The following PPID variants were observed in gnomAD, a reference collection of about 807,000 sequenced individuals.
PPID encodes the protein peptidyl-prolyl cis-trans isomerase D.
Under a neutral mutation model 48.1 loss-of-function variants are expected in PPID, and 47 were observed. The observed-to-expected ratio is 0.98, with a 90% CI of 0.77 to 1.25. PPID has a LOEUF of 1.25. Ranked by LOEUF, PPID falls within the 50% of genes most tolerant of loss-of-function variation. The pLI is 0.00. For synonymous variants in PPID, 163 were observed against 148.8 expected (o/e 1.10, Z -0.69); for missense variants, 429 against 443.5 (o/e 0.97, Z 0.29).
At chr4:158,721,236 T>C (rs1774953911) in intron 2 of PPID, 107 bp downstream of exon 2, 4 of 1,322,166 alleles carry the variant, frequency 3.0e-6, no homozygotes, top group South Asian at 2.7e-5. Context: ...TGGACGCTAA[T>C]AGTACTTTTT....
chr4:158,712,347 C>T (rs1414963197), intron 7 of PPID, among the ~76,000 whole-genome samples: 3 of 152,204 alleles, frequency 2.0e-5, no homozygotes, highest in Non-Finnish European at 2.9e-5. Context: ...CCCCTCCTAT[C>T]CTGAATCACT....
chr4:158,721,344 T>G lies in PPID; in HGVS notation c.225A>C (p.Arg75=). 6.2e-7 allele frequency: 1 copy of G among 1,613,946 alleles called. No individual in the cohort carries two copies. The highest frequency in any genetic ancestry group is 8.5e-7 in the Non-Finnish European group (1 of 1,179,848). Residue 75 remains arginine (R), a splice_region_variant and synonymous_variant, in exon 2 of 10, where the codon CGA becomes CGC. Transcript: ENST00000307720. ...AAGATTAAGAAAATTTACACATACT[T>G]CGATGAAAAGGGCATCCTTTGAAAT... The part of the protein sequence containing the change: ...PLHFKGCPFH[R]IIKKFMIQGG...
At chr4:158,710,069 T>C (rs1561253816) in intron 9 of PPID, 1 of 484,362 alleles carries the variant, frequency 2.1e-6, no homozygotes, top group Non-Finnish European at 3.6e-6. Context: ...AGAACAGTAA[T>C]TGCTTCCCTT....
intron 2 of PPID, among the ~76,000 whole-genome samples, chr4:158,720,104 G>A (rs1384357778): frequency 6.6e-6 from 1 of 152,120 alleles, no homozygotes; most frequent in African/African-American, 2.4e-5. Context: ...TACCTAGCAT[G>A]TACCAAAATT....
chr4:158,711,870 G>A (rs1248719533), intron 7 of PPID, among the ~76,000 whole-genome samples: 2 of 152,140 alleles, frequency 1.3e-5, no homozygotes, highest in African/African-American at 4.8e-5. Flanking sequence ...AGGAGGCTGA[G>A]GTAGGAGGAT....
intron 3 of PPID, among the ~76,000 whole-genome samples, chr4:158,718,277 G>C (rs1774902898): frequency 6.6e-6 from 1 of 152,136 alleles, no homozygotes. Flanking sequence ...CCAAATCTCA[G>C]ACATGTTGCC....
chr4:158,716,826 T>C (rs1462755988), intron 4 of PPID, among the ~76,000 whole-genome samples, 186 bp downstream of exon 4: 4 of 152,082 alleles, frequency 2.6e-5, no homozygotes, highest in Non-Finnish European at 5.9e-5. Context: ...CCGGGTGTTG[T>C]AGCGCGCGCC....
Position 158,710,773 on chromosome 4 carries a change from C to A in PPID, c.970G>T (p.Asp324Tyr). Reference protein sequence around the residue: ...AQGWQGLKEYDQALADLKKAQ... With the variant: ...AQGWQGLKEYYQALADLKKAQ... ...GGAACAAAATTTACCAATGCTTGAT[C>A]ATATTCTTTTAATCCTTGCCATCCT... Residue 324 changes from aspartate to tyrosine, a missense_variant, in exon 8 of 10, where the codon GAT becomes TAT. Coordinates refer to ENST00000307720, the MANE Select transcript of PPID (RefSeq NM_005038.3). The A allele has an allele frequency of 6.2e-7, 1 of 1,613,628 alleles. No homozygotes were observed. Among genetic ancestry groups the A allele is most frequent in the Non-Finnish European group, 8.5e-7 (1 of 1,179,568 alleles).
intron 9 of PPID, 169 bp downstream of exon 9, chr4:158,710,459 G>GGACTTT: frequency 4.5e-6 from 3 of 668,320 alleles, no homozygotes; most frequent in Non-Finnish European, 7.9e-6. Flanking sequence ...TTGAGGGCAG[G>GGACTTT]GACTTTGACT....
At chr4:158,710,309 C>G (rs1317089044) in intron 9 of PPID, 2 of 439,892 alleles carry the variant, frequency 4.5e-6, no homozygotes, top group Admixed American at 8.1e-5. Flanking sequence ...ACTAGACTAA[C>G]CAGAATAGGA....
intron 1 of PPID, among the ~76,000 whole-genome samples, 160 bp downstream of exon 1, chr4:158,723,044 T>C (rs890264959): frequency 6.6e-6 from 1 of 152,166 alleles, no homozygotes; most frequent in African/African-American, 2.4e-5. Context: ...GATCTAGCCC[T>C]AGATCTCCGG....
chr4:158,710,842 C>T lies in PPID; in HGVS notation c.901G>A (p.Glu301Lys). 1 of 1,608,064 alleles carries T rather than the reference C, an allele frequency of 6.2e-7. No homozygotes were observed. The highest frequency in any genetic ancestry group is 1.3e-5 in the African/African-American group (1 of 74,782). The change falls in exon 8 of 10, where the codon GAA becomes AAA. Residue 301 changes from glutamate (E) to lysine (K), a missense_variant. Glu to Lys is a moderately conservative substitution (Grantham distance 56). Transcript: ENST00000307720. Reference protein sequence around the residue: ...GAIDSCLEALELDPSNTKALY... With the variant: ...GAIDSCLEALKLDPSNTKALY... ...GCTTTGGTATTTGATGGGTCTAGTT[C>T]AAGAGCCTACAAAAAAGTATAAAGC...
At chr4:158,721,025 T>C (rs566375658) in intron 2 of PPID, among the ~76,000 whole-genome samples, 1 of 152,320 alleles carries the variant, frequency 6.6e-6, no homozygotes, top group Admixed American at 6.5e-5. Context: ...ATGCATAACT[T>C]TTTTGTCACC....
At chr4:158,712,687 G>T (rs1438019078) in intron 7 of PPID, among the ~76,000 whole-genome samples, 1 of 152,062 alleles carries the variant, frequency 6.6e-6, no homozygotes, top group Non-Finnish European at 1.5e-5. Context: ...AACCCGGGAG[G>T]CAGAGGTTGC....
Position 158,721,364 on chromosome 4 carries a change from T to C in PPID, c.205A>G (p.Lys69Glu). 6.2e-7 allele frequency: 1 copy of C among 1,614,160 alleles called. No homozygotes were observed. Among genetic ancestry groups the C allele is most frequent in the South Asian group, 1.1e-5 (1 of 91,084 alleles). The change falls in exon 2 of 10, where the codon AAA (lysine) becomes GAA (glutamate). Residue 69 changes from lysine to glutamate, a missense_variant. By Grantham distance (56) the Lys-to-Glu change is moderately conservative. Coordinates refer to ENST00000307720, the MANE Select transcript of PPID (RefSeq NM_005038.3). ...ATACTTCGATGAAAAGGGCATCCTT[T>C]GAAATGGAGAGGTTTCCCAGTCGTG... The part of the protein sequence containing the change: ...GHTTGKPLHF[K>E]GCPFHRIIKK...
chr4:158,720,473 G>C (rs1368758226), intron 2 of PPID, among the ~76,000 whole-genome samples: 1 of 152,104 alleles, frequency 6.6e-6, no homozygotes, highest in Non-Finnish European at 1.5e-5. Context: ...CTCAATAACT[G>C]TATTAGATGC....
Position 158,715,614 on chromosome 4 carries a change from G to T in PPID, c.593C>A (p.Ser198Tyr). 1 of 1,613,568 alleles carries T rather than the reference G, an allele frequency of 6.2e-7. No individual in the cohort carries two copies. The highest frequency in any genetic ancestry group is 8.5e-7 in the Non-Finnish European group (1 of 1,179,494). The change falls in exon 5 of 10, where the codon TCT (serine) becomes TAT (tyrosine). Residue 198 changes from serine to tyrosine, a missense_variant. Ser to Tyr is a moderately radical substitution (Grantham distance 144). Transcript: ENST00000307720. ...AGGGAAATCTGGATGACTGTCGCCA[G>T]AGCCATCTTTTGGGAATATTCCCCC... is the stretch of plus-strand genomic sequence containing the variant. ...DDGGIFPKDG[S>Y]GDSHPDFPED...
chr4:158,722,377 T>A (rs1256732615), intron 1 of PPID, among the ~76,000 whole-genome samples: 2 of 152,250 alleles, frequency 1.3e-5, no homozygotes, highest in Non-Finnish European at 2.9e-5. Context: ...CTGAGCAAAC[T>A]GCCTCATGCA....
At position 158,715,347 on chromosome 4, in the gene PPID, G is replaced by GA. The variant is rs766208165; in HGVS notation, c.701dup (p.Lys235GlnfsTer10). The GA allele has an allele frequency of 2.6e-6, 4 of 1,541,016 alleles. No individual in the cohort carries two copies. Among genetic ancestry groups the GA allele is most frequent in the African/African-American group, 2.8e-5 (2 of 71,932 alleles). On this transcript the variant is annotated frameshift_variant, in exon 6 of 10. Transcript: ENST00000307720. LOFTEE classifies it high-confidence loss of function. The stretch of plus-strand genomic sequence containing the variant: ...TAGCCATCTCCCAGTTCTGGGATTT[G>GA]AAAAAAGTATTTCCAATGTTTTTTA...
Sources: gnomAD v4.1 joint callset for allele counts (sites outside exome capture counted in the v4.1 genomes callset) on GRCh38, gnomAD v4.1.1 for gene constraint, MANE v1.5 for transcripts, NCBI Gene and HGNC (gene_info 2026-07-23, HGNC 2026-07-21) for gene names.